The following CDH13 variants were observed in gnomAD, a reference collection of about 807,000 sequenced individuals.
The protein encoded by CDH13 is cadherin-13.
Under a neutral mutation model 63.8 loss-of-function variants are expected in CDH13, and 24 were observed. The observed-to-expected ratio is 0.38, with a 90% CI of 0.27 to 0.53. The LOEUF (loss-of-function observed/expected upper bound fraction) is 0.53, where lower values mean the gene tolerates loss of function less well. Ranked by LOEUF, CDH13 falls within the 20% of genes least tolerant of loss-of-function variation. The pLI is 0.85. For missense variants in CDH13, 1,049 were observed against 903.1 expected (o/e 1.16, Z -2.07); for synonymous variants, 503 against 355.3 (o/e 1.42, Z -4.67).
At chr16:83,433,916 C>T (rs778644610) in intron 6 of CDH13, among the ~76,000 whole-genome samples, 3 of 152,046 alleles carry the variant, frequency 2.0e-5, no homozygotes, top group Non-Finnish European at 2.9e-5. Context: ...TGCTTAGTGG[C>T]TCGTTGGAAA....
At position 82,993,673 on chromosome 16, in the gene CDH13, A is replaced by G. The variant is rs115295757; in HGVS notation, c.158-38337A>G. On this transcript the variant is annotated intron_variant, in intron 2 of 13. Coordinates refer to ENST00000567109, the MANE Select transcript of CDH13 (RefSeq NM_001257.5). ...TAGTTCAGAGGATGCTGCTTCTCGG[A>G]TGGGACTTAGCTGAACACGTGTTAC... is the stretch of plus-strand genomic sequence containing the variant. 9.1e-3 allele frequency among the ~76,000 whole-genome samples: 1,384 copies of G among 152,274 alleles called. 28 individuals carry two copies. The highest frequency in any genetic ancestry group is 0.031 in the African/African-American group (1,298 of 41,538).
At chr16:83,186,723 A>G (rs1306130773) in intron 4 of CDH13, among the ~76,000 whole-genome samples, 1 of 152,124 alleles carries the variant, frequency 6.6e-6, no homozygotes, top group Non-Finnish European at 1.5e-5. Flanking sequence ...GCATCGGATG[A>G]GCTCATTGTA....
chr16:83,739,381 C>T (rs1210586066), intron 10 of CDH13, among the ~76,000 whole-genome samples: 1 of 152,206 alleles, frequency 6.6e-6, no homozygotes, highest in East Asian at 1.9e-4. Flanking sequence ...GGAGCAGACT[C>T]CTGCAAGCTG....
At chr16:83,177,391 C>T (rs2038171069) in intron 4 of CDH13, among the ~76,000 whole-genome samples, 1 of 152,160 alleles carries the variant, frequency 6.6e-6, no homozygotes, top group African/African-American at 2.4e-5. Context: ...ACAAAGGGGA[C>T]CCTCAATGAA....
chr16:83,044,141 A>G (rs1200545626), intron 3 of CDH13, among the ~76,000 whole-genome samples: 1 of 152,142 alleles, frequency 6.6e-6, no homozygotes, highest in African/African-American at 2.4e-5. Context: ...TTTTTCTCCT[A>G]TAGCTAGCCT....
intron 10 of CDH13, among the ~76,000 whole-genome samples, chr16:83,745,412 G>A (rs919486459): frequency 1.6e-4 from 25 of 152,154 alleles, no homozygotes; most frequent in African/African-American, 5.8e-4. Flanking sequence ...TTACAACAGC[G>A]CTGTATCAGA....
chr16:82,962,026 T>C (rs535721584), intron 2 of CDH13, among the ~76,000 whole-genome samples: 8 of 148,986 alleles, frequency 5.4e-5, no homozygotes, highest in Admixed American at 8.1e-5. Flanking sequence ...TAAAATAACA[T>C]AGATGCTATG....
intron 7 of CDH13, among the ~76,000 whole-genome samples, chr16:83,499,324 A>G (rs571753716): frequency 7.2e-5 from 11 of 152,234 alleles, no homozygotes; most frequent in Non-Finnish European, 1.0e-4. Context: ...TCCAAGGTAC[A>G]AAAGGATTTG....
chr16:83,040,237 C>G (rs534939787), intron 3 of CDH13, among the ~76,000 whole-genome samples: 1 of 151,902 alleles, frequency 6.6e-6, no homozygotes, highest in African/African-American at 2.4e-5. Flanking sequence ...TGAATCAACA[C>G]GTGTGTATTA....
At chr16:82,955,056 C>T (rs1328032116) in intron 2 of CDH13, among the ~76,000 whole-genome samples, 2 of 152,070 alleles carry the variant, frequency 1.3e-5, no homozygotes, top group African/African-American at 4.8e-5. Flanking sequence ...TTAGTTGTTT[C>T]CACTTTGGGG....
chr16:82,748,517 T>C (rs2034277491), intron 1 of CDH13, among the ~76,000 whole-genome samples: 1 of 152,200 alleles, frequency 6.6e-6, no homozygotes, highest in African/African-American at 2.4e-5. Context: ...ATATCTGTTC[T>C]GTTGGTGGTG....
At position 83,508,100 on chromosome 16, in the gene CDH13, G is replaced by GGAAGGAAGGA. The variant is rs1567722270; in HGVS notation, c.960+21445_960+21446insGAAGGAAGGA. On this transcript the variant is annotated intron_variant, in intron 7 of 13. Coordinates refer to ENST00000567109, the MANE Select transcript of CDH13 (RefSeq NM_001257.5). Reference sequence around the variant, plus strand: ...GGAAGGAAGGAAGGAAGGAAGGAAAGAAGGAAGGAAAAGGAAGGAAGGGAG... The same window carrying GGAAGGAAGGA: ...GGAAGGAAGGAAGGAAGGAAGGAAAGGAAGGAAGGAAAGGAAGGAAAAGGAAGGAAGGGAG... Among the ~76,000 whole-genome samples the GGAAGGAAGGA allele has an allele frequency of 1.5e-3, 89 of 59,666 alleles. 1 individual carries two copies. Among genetic ancestry groups the GGAAGGAAGGA allele is most frequent in the African/African-American group, 5.2e-3 (83 of 16,018 alleles). The allele number at this position is 59,666 out of a possible 152,430, so 39.1% of individuals were successfully genotyped here. A position where few individuals can be genotyped will look rare whatever the true frequency, so the allele number is the denominator to read the frequency against.
At chr16:83,381,871 A>G (rs2091573716) in intron 6 of CDH13, among the ~76,000 whole-genome samples, 1 of 152,156 alleles carries the variant, frequency 6.6e-6, no homozygotes, top group Non-Finnish European at 1.5e-5. Flanking sequence ...TTGAATTCAC[A>G]AGTATAAAAT....
Position 83,095,473 on chromosome 16 carries a change from C to G in CDH13, c.367-29912C>G, listed in dbSNP as rs185766650. On this transcript the variant is annotated intron_variant, in intron 3 of 13. Transcript: ENST00000567109. The stretch of plus-strand genomic sequence containing the variant: ...GGGATGAATCATACCTATCCTCACC[C>G]TGCTTTTGGACACTGGTATATCCTC... Among the ~76,000 whole-genome samples the G allele has an allele frequency of 4.9e-3, 753 of 152,332 alleles. 2 individuals are homozygous for G. Among genetic ancestry groups the G allele is most frequent in the South Asian group, 0.012 (57 of 4,834 alleles).
At chr16:83,709,287 G>C (rs425044) in intron 10 of CDH13, among the ~76,000 whole-genome samples, 42,682 of 152,106 alleles carry the variant, frequency 0.28, 6,374 homozygotes, top group Middle Eastern at 0.46. Flanking sequence ...ATAAATCTGA[G>C]TTGTTTTAAT....
chr16:83,431,893 C>T (rs968659434), intron 6 of CDH13, among the ~76,000 whole-genome samples: 1 of 152,148 alleles, frequency 6.6e-6, no homozygotes, highest in Non-Finnish European at 1.5e-5. Context: ...AAACCATATC[C>T]ATCATTACGT....
intron 2 of CDH13, among the ~76,000 whole-genome samples, chr16:82,942,790 A>G (rs889935379): frequency 5.9e-5 from 9 of 152,194 alleles, no homozygotes; most frequent in Non-Finnish European, 1.0e-4. Flanking sequence ...GATGAGTTAC[A>G]ATGCTGGGAT....
intron 7 of CDH13, among the ~76,000 whole-genome samples, chr16:83,492,197 A>G (rs1401359726): frequency 1.1e-5 from 1 of 91,786 alleles, no homozygotes. Context: ...GCTGCCAGAA[A>G]AGAACAATGG....
At chr16:83,054,942 T>C (rs1266457386) in intron 3 of CDH13, among the ~76,000 whole-genome samples, 1 of 152,104 alleles carries the variant, frequency 6.6e-6, no homozygotes, top group Non-Finnish European at 1.5e-5. Flanking sequence ...AGGCTGGTCA[T>C]AGAGTACATC....
Sources: gnomAD v4.1 joint callset for allele counts (sites outside exome capture counted in the v4.1 genomes callset) on GRCh38, gnomAD v4.1.1 for gene constraint, MANE v1.5 for transcripts, NCBI Gene and HGNC (gene_info 2026-07-23, HGNC 2026-07-21) for gene names.